The following SLC4A4 variants were observed in gnomAD, a reference collection of about 807,000 sequenced individuals.
SLC4A4 encodes electrogenic sodium bicarbonate cotransporter 1.
In SLC4A4, 27 loss-of-function variants were observed where a neutral mutation model predicts 111.5. The observed-to-expected ratio is 0.24, with a 90% CI of 0.18 to 0.33. The LOEUF (loss-of-function observed/expected upper bound fraction) is 0.33. Among genes scored for constraint, SLC4A4 ranks in the 10% least tolerant of loss-of-function variants. SLC4A4 has a pLI of 1.00. For synonymous variants in SLC4A4, 443 were observed against 463.4 expected (o/e 0.96, Z 0.57); for missense variants, 909 against 1,315.5 (o/e 0.69, Z 4.78).
intron 5 of SLC4A4, among the ~76,000 whole-genome samples, chr4:71,350,601 C>T (rs73826274): frequency 0.051 from 7,769 of 152,044 alleles, 435 homozygotes; most frequent in South Asian, 0.13. Context: ...ACAAGCTCTC[C>T]GAAAAAGAAC....
At chr4:71,212,730 A>G (rs961640869) in intron 1 of SLC4A4, among the ~76,000 whole-genome samples, 11 of 152,172 alleles carry the variant, frequency 7.2e-5, no homozygotes, top group Non-Finnish European at 1.5e-4. Flanking sequence ...AGTTTTGGGT[A>G]GGCCAGGTCA....
At chr4:71,315,789 A>C (rs936391115) in intron 3 of SLC4A4, among the ~76,000 whole-genome samples, 4 of 152,200 alleles carry the variant, frequency 2.6e-5, no homozygotes, top group Non-Finnish European at 5.9e-5. Context: ...GTTGAAGAAC[A>C]CACACATTAT....
chr4:71,181,227 A>C (rs1459067009), intron 2 of SLC4A4, among the ~76,000 whole-genome samples: 1 of 71,392 alleles, frequency 1.4e-5, no homozygotes, highest in African/African-American at 5.9e-5. Context: ...GGGTGGGGGG[A>C]GGGGGGAGGG....
intron 2 of SLC4A4, among the ~76,000 whole-genome samples, chr4:71,133,043 G>A (rs1743749641): frequency 1.3e-5 from 2 of 152,084 alleles, no homozygotes; most frequent in African/African-American, 4.8e-5. Context: ...TGCATTTGAT[G>A]AATTACCATT....
chr4:71,535,168 C>T (rs1001362130), intron 18 of SLC4A4, among the ~76,000 whole-genome samples: 7 of 152,042 alleles, frequency 4.6e-5, no homozygotes, highest in African/African-American at 7.2e-5. Context: ...TATATTAACT[C>T]GTTAACTTTT....
chr4:71,134,665 C>T (rs1479588272), intron 2 of SLC4A4, among the ~76,000 whole-genome samples: 2 of 152,244 alleles, frequency 1.3e-5, no homozygotes, highest in African/African-American at 4.8e-5. Context: ...GGGATTCCCT[C>T]CTCTGTTGCT....
At chr4:71,485,507 C>T (rs974379401) in intron 14 of SLC4A4, among the ~76,000 whole-genome samples, 3 of 151,590 alleles carry the variant, frequency 2.0e-5, no homozygotes, top group African/African-American at 7.3e-5. Flanking sequence ...GGTGGATTAG[C>T]TTTCTGATGT....
chr4:71,187,639 AGTTTG>A (rs1340363002), intron 1 of SLC4A4, among the ~76,000 whole-genome samples: 2 of 152,032 alleles, frequency 1.3e-5, no homozygotes, highest in African/African-American at 4.8e-5. Context: ...TTAGAGGAAG[AGTTTG>A]GGTGGTCTGC....
At chr4:71,340,249 G>A (rs1728791772) in intron 4 of SLC4A4, among the ~76,000 whole-genome samples, 1 of 151,964 alleles carries the variant, frequency 6.6e-6, no homozygotes, top group Admixed American at 6.6e-5. Context: ...ATAAAAAAGA[G>A]ATTATTAAAA....
chr4:71,148,187 T>A (rs1247462794), intron 2 of SLC4A4, among the ~76,000 whole-genome samples: 2 of 152,180 alleles, frequency 1.3e-5, no homozygotes, highest in African/African-American at 4.8e-5. Context: ...AACTTCCAAG[T>A]TCCTGAGATA....
At chr4:71,100,959 G>A (rs945515180) in intron 2 of SLC4A4, among the ~76,000 whole-genome samples, 3 of 152,120 alleles carry the variant, frequency 2.0e-5, no homozygotes, top group African/African-American at 7.2e-5. Context: ...ACAGTCAAAC[G>A]GAAAAACATG....
At chr4:71,290,008 T>A (rs942415946) in intron 3 of SLC4A4, among the ~76,000 whole-genome samples, 2 of 152,162 alleles carry the variant, frequency 1.3e-5, no homozygotes, top group African/African-American at 4.8e-5. Context: ...GAGAAAGTAT[T>A]AGGGAGCTGT....
intron 3 of SLC4A4, among the ~76,000 whole-genome samples, chr4:71,295,393 T>G (rs1461404193): frequency 5.3e-5 from 8 of 152,222 alleles, no homozygotes; most frequent in Non-Finnish European, 8.8e-5. Flanking sequence ...CATTGTGGGA[T>G]GTATACATCC....
chr4:71,121,243 C>G (rs968664610), intron 2 of SLC4A4, among the ~76,000 whole-genome samples: 1 of 151,786 alleles, frequency 6.6e-6, no homozygotes, highest in African/African-American at 2.4e-5. Flanking sequence ...TGTGGGCTCC[C>G]ATGCTGCCCG....
chr4:71,368,888 G>A (rs1295272569), intron 6 of SLC4A4, among the ~76,000 whole-genome samples: 1 of 152,144 alleles, frequency 6.6e-6, no homozygotes, highest in Non-Finnish European at 1.5e-5. Flanking sequence ...GGGAGGGAGT[G>A]TGTGTCTTTG....
intron 3 of SLC4A4, among the ~76,000 whole-genome samples, chr4:71,260,712 A>G (rs868233716): frequency 6.6e-6 from 1 of 152,198 alleles, no homozygotes; most frequent in Non-Finnish European, 1.5e-5. Context: ...TTAAGAGTGC[A>G]TATTTGAGCC....
At position 71,568,600 on chromosome 4, in the gene SLC4A4, C is replaced by G. The variant is rs1737701761; in HGVS notation, c.*849C>G. Reference sequence around the variant, plus strand: ...TGTTGTTTAAATTATGGGGCCTAACCTGCCACTTATTTTTTGTCAATTTTT... The same window carrying G: ...TGTTGTTTAAATTATGGGGCCTAACGTGCCACTTATTTTTTGTCAATTTTT... On this transcript the variant is annotated 3_prime_UTR_variant, in exon 26 of 26. Transcript: ENST00000264485. The G allele has an allele frequency of 6.6e-6, 1 of 151,970 alleles. No individual in the cohort carries two copies. The highest frequency in any genetic ancestry group is 2.1e-4 in the South Asian group (1 of 4,812). The allele number at this position is 151,970 out of a possible 1,614,324, so 9.4% of individuals were successfully genotyped here.
chr4:71,181,811 C>A (rs573629656), intron 2 of SLC4A4, among the ~76,000 whole-genome samples: 79 of 152,270 alleles, frequency 5.2e-4, no homozygotes, highest in African/African-American at 1.8e-3. Context: ...TTGACCCCCC[C>A]ACTTGAAAGC....
upstream of SLC4A4, among the ~76,000 whole-genome samples, chr4:71,182,488 G>T (rs1369389296): frequency 6.6e-6 from 1 of 151,988 alleles, no homozygotes; most frequent in Non-Finnish European, 1.5e-5. Context: ...TAATAGGCCA[G>T]TTGGATCTGG....
Sources: allele counts gnomAD v4.1 joint callset (sites outside exome capture counted in the v4.1 genomes callset), GRCh38; gene constraint gnomAD v4.1.1; transcripts MANE v1.5; gene names NCBI Gene and HGNC (gene_info 2026-07-23, HGNC 2026-07-21).